The following NETO1 variants were observed in gnomAD, a reference collection of about 807,000 sequenced individuals.
The protein encoded by NETO1 is neuropilin and tolloid-like protein 1.
A neutral mutation model predicts 61.3 loss-of-function variants in NETO1; 26 were observed. The observed-to-expected ratio is 0.42, with a 90% CI of 0.31 to 0.59. The LOEUF (loss-of-function observed/expected upper bound fraction) is 0.59, where lower values mean the gene tolerates loss of function less well. NETO1 is among the 20% of genes least tolerant of loss of function. NETO1 has a pLI of 0.12. For synonymous variants in NETO1, 225 were observed against 225.8 expected (o/e 1.00, Z 0.03); for missense variants, 531 against 662.8 (o/e 0.80, Z 2.18).
chr18:72,866,858 A>C, intron 1 of NETO1: 1 of 963,830 alleles, frequency 1.0e-6, no homozygotes, highest in Non-Finnish European at 1.3e-6. Context: ...TACTGCGAAC[A>C]GGGGCCCGCC....
chr18:72,783,438 A>G (rs757672529), intron 7 of NETO1, among the ~76,000 whole-genome samples: 5 of 152,246 alleles, frequency 3.3e-5, no homozygotes, highest in Non-Finnish European at 4.4e-5. Context: ...CCAGTTGAAT[A>G]GTGTGAACTG....
intron 8 of NETO1, among the ~76,000 whole-genome samples, chr18:72,755,715 C>G (rs1241047601): frequency 6.6e-6 from 1 of 152,006 alleles, no homozygotes; most frequent in Non-Finnish European, 1.5e-5. Flanking sequence ...CACAAGCAGA[C>G]AGCATCACAC....
intron 6 of NETO1, among the ~76,000 whole-genome samples, chr18:72,788,460 G>C (rs1037787035): frequency 3.3e-5 from 5 of 151,914 alleles, no homozygotes; most frequent in Non-Finnish European, 5.9e-5. Context: ...ATTATGATTT[G>C]AGTGACTATC....
intron 8 of NETO1, among the ~76,000 whole-genome samples, chr18:72,750,912 C>CACAA (rs1289440099): frequency 1.8e-4 from 21 of 119,922 alleles, no homozygotes; most frequent in African/African-American, 6.7e-4. Flanking sequence ...CACACACACA[C>CACAA]AATCCTCTAT....
At chr18:72,836,874 T>C (rs150520144) in intron 4 of NETO1, among the ~76,000 whole-genome samples, 2 of 152,218 alleles carry the variant, frequency 1.3e-5, no homozygotes, top group African/African-American at 4.8e-5. Context: ...AGAAAGGAGA[T>C]AGCTATTAAA....
intron 7 of NETO1, among the ~76,000 whole-genome samples, chr18:72,777,150 G>T (rs964201077): frequency 1.2e-4 from 19 of 152,204 alleles, no homozygotes; most frequent in African/African-American, 4.3e-4. Flanking sequence ...AGGCACAGTG[G>T]CTCATGCCTG....
chr18:72,813,922 A>G (rs910992681), intron 4 of NETO1, among the ~76,000 whole-genome samples: 2 of 152,110 alleles, frequency 1.3e-5, no homozygotes, highest in Admixed American at 1.3e-4. Flanking sequence ...CTATGCAGAG[A>G]AAAAGAGTAA....
At chr18:72,772,410 A>G (rs67157351) in intron 7 of NETO1, among the ~76,000 whole-genome samples, 48,771 of 151,514 alleles carry the variant, frequency 0.32, 8,411 homozygotes, top group South Asian at 0.48. Flanking sequence ...CAAAGTCCAG[A>G]GTCTCCTTGT....
chr18:72,763,747 C>T (rs1386046871), intron 7 of NETO1, among the ~76,000 whole-genome samples: 1 of 152,162 alleles, frequency 6.6e-6, no homozygotes, highest in Non-Finnish European at 1.5e-5. Flanking sequence ...TGGAAATGCT[C>T]ACAAACACGT....
chr18:72,771,207 T>C (rs2071341477), intron 7 of NETO1, among the ~76,000 whole-genome samples: 2 of 152,154 alleles, frequency 1.3e-5, no homozygotes, highest in South Asian at 4.1e-4. Context: ...CTATATCTTG[T>C]TCTAGACAGG....
rs1167287823 is a variant in NETO1 at position 72,824,893 on chromosome 18, T to C, written c.470-30489A>G. On this transcript the variant is annotated intron_variant, in intron 4 of 10. Coordinates refer to ENST00000327305, the MANE Select transcript of NETO1 (RefSeq NM_138966.5). ...GACTCGGTCTCAAACAAACAAAAAATAATAAAAATTTAAAAATAAAGAGAT... is the reference window on the plus strand; with the variant it reads ...GACTCGGTCTCAAACAAACAAAAAACAATAAAAATTTAAAAATAAAGAGAT... Among the ~76,000 whole-genome samples the C allele has an allele frequency of 2.0e-5, 3 of 151,642 alleles. No individual in the cohort carries two copies. The East Asian group carries it at 5.8e-4, about 29-fold the overall frequency.
chr18:72,848,161 C>T (rs1358625956), intron 4 of NETO1, among the ~76,000 whole-genome samples: 7 of 152,156 alleles, frequency 4.6e-5, no homozygotes, highest in African/African-American at 1.7e-4. Flanking sequence ...TTGATGGCGA[C>T]ATTAATTTCC....
intron 6 of NETO1, among the ~76,000 whole-genome samples, chr18:72,790,959 G>A (rs2072095132): frequency 6.6e-6 from 1 of 151,942 alleles, no homozygotes; most frequent in Non-Finnish European, 1.5e-5. Flanking sequence ...CTGTTTTCCA[G>A]ACCAGATTAT....
chr18:72,806,677 A>AC (rs1174714203), intron 4 of NETO1, among the ~76,000 whole-genome samples: 2 of 152,028 alleles, frequency 1.3e-5, no homozygotes, highest in African/African-American at 4.8e-5. Flanking sequence ...TAATAACACA[A>AC]CGCAAACTCC....
intron 4 of NETO1, among the ~76,000 whole-genome samples, chr18:72,801,886 G>C (rs545192968): frequency 1.3e-5 from 2 of 151,954 alleles, no homozygotes; most frequent in Non-Finnish European, 2.9e-5. Context: ...TTAGAAAGGG[G>C]AGATGAAAAG....
At position 72,844,760 on chromosome 18, in the gene NETO1, G is replaced by A. The variant is rs148211761; in HGVS notation, c.469+14066C>T. 5.3e-3 allele frequency among the ~76,000 whole-genome samples: 801 copies of A among 152,290 alleles called. 4 individuals are homozygous for A. The highest frequency in any genetic ancestry group is 9.0e-3 in the Non-Finnish European group (611 of 68,008). On this transcript the variant is annotated intron_variant, in intron 4 of 10. Coordinates refer to ENST00000327305, the MANE Select transcript of NETO1 (RefSeq NM_138966.5). ...CTGGAAATTTAAAGATGTAAACCGA[G>A]GTTGTTGGGTTTTGTTTGTTTTTTT...
chr18:72,833,563 C>T (rs2073647306), intron 4 of NETO1, among the ~76,000 whole-genome samples: 1 of 152,132 alleles, frequency 6.6e-6, no homozygotes, highest in Non-Finnish European at 1.5e-5. Context: ...CCATTACCGT[C>T]TCTCACTAAC....
At chr18:72,750,002 C>G in intron 9 of NETO1, 60 bp downstream of exon 9, 2 of 1,241,866 alleles carry the variant, frequency 1.6e-6, no homozygotes, top group East Asian at 4.7e-5. Flanking sequence ...GAAGACAATA[C>G]TCTGGAAGTA....
Position 72,794,099 on chromosome 18 carries a change from T to C in NETO1, c.639+18A>G, listed in dbSNP as rs758967221. The C allele has an allele frequency of 6.2e-6, 10 of 1,614,030 alleles. No homozygotes were observed. The highest frequency in any genetic ancestry group is 5.9e-6 in the Non-Finnish European group (7 of 1,179,970). ...CTCAACGTCAGCTGTCAAGTGTGGGTTTCATCTTAAGACTGACCTTGGACC... is the reference window on the plus strand; with the variant it reads ...CTCAACGTCAGCTGTCAAGTGTGGGCTTCATCTTAAGACTGACCTTGGACC... On this transcript the variant is annotated intron_variant, in intron 6 of 10. Transcript: ENST00000327305.
Sources: gnomAD v4.1 joint callset for allele counts (sites outside exome capture counted in the v4.1 genomes callset) on GRCh38, gnomAD v4.1.1 for gene constraint, MANE v1.5 for transcripts, NCBI Gene and HGNC (gene_info 2026-07-23, HGNC 2026-07-21) for gene names.